ZC3H12C: variants seen among roughly 807,000 people sequenced by gnomAD.
ZC3H12C encodes probable ribonuclease ZC3H12C.
A neutral mutation model predicts 76.3 loss-of-function variants in ZC3H12C; 20 were observed. The ratio of observed to expected loss-of-function variants is 0.26; its 90% CI spans 0.18 to 0.38. The LOEUF (loss-of-function observed/expected upper bound fraction) is 0.38. Ranked by LOEUF, ZC3H12C falls within the 10% of genes least tolerant of loss-of-function variation. ZC3H12C has a pLI of 1.00. For missense variants in ZC3H12C, 874 were observed against 1,086.5 expected (o/e 0.80, Z 2.75); for synonymous variants, 352 against 399.6 (o/e 0.88, Z 1.42).
intron 4 of ZC3H12C, among the ~76,000 whole-genome samples, chr11:110,161,107 A>T (rs1862472034): frequency 6.6e-6 from 1 of 152,008 alleles, no homozygotes; most frequent in Admixed American, 6.6e-5. Flanking sequence ...GCCTCCCAAA[A>T]TGCTGGGATT....
intron 1 of ZC3H12C, among the ~76,000 whole-genome samples, chr11:110,128,733 T>C (rs1056760152): frequency 2.0e-5 from 3 of 152,120 alleles, no homozygotes; most frequent in Non-Finnish European, 4.4e-5. Flanking sequence ...TGTGTGGATA[T>C]ATGTTACGTT....
intron 5 of ZC3H12C, among the ~76,000 whole-genome samples, chr11:110,163,972 C>T (rs182325639): frequency 1.6e-4 from 24 of 152,108 alleles, no homozygotes; most frequent in South Asian, 6.2e-4. Flanking sequence ...TGGTAGCGCA[C>T]GCCTGTGATC....
chr11:110,171,731 CATT>C lies in ZC3H12C; in HGVS notation c.*5997_*5999del, dbSNP rs796193343. ...TAGTTTGCCTGCATTCAGTGGCTAA[CATT>C]ATGAGCATTGTGTAAGATAAACACA... On this transcript the variant is annotated 3_prime_UTR_variant, in exon 6 of 6. Coordinates refer to ENST00000278590, the MANE Select transcript of ZC3H12C (RefSeq NM_033390.2). 2.7e-4 allele frequency: 41 copies of C among 152,274 alleles called. No homozygotes were observed. Among genetic ancestry groups the C allele is most frequent in the African/African-American group, 9.9e-4 (41 of 41,552 alleles). 9.4% of individuals were successfully genotyped at this position (152,274 alleles called of 1,614,324 possible).
intron 1 of ZC3H12C, among the ~76,000 whole-genome samples, chr11:110,093,963 C>G (rs1261565898): frequency 6.6e-6 from 1 of 152,192 alleles, no homozygotes; most frequent in Non-Finnish European, 1.5e-5. Flanking sequence ...AAGCCCCTCA[C>G]TCCCCCCTCG....
At chr11:110,136,532 A>G in intron 1 of ZC3H12C, 131 bp from the exon 2 acceptor site, 1 of 971,012 alleles carries the variant, frequency 1.0e-6, no homozygotes, top group Non-Finnish European at 1.5e-6. Context: ...CAAGGGTGTT[A>G]GGAGGGAGGA....
intron 1 of ZC3H12C, among the ~76,000 whole-genome samples, chr11:110,093,855 C>G (rs1195578681): frequency 6.6e-6 from 1 of 152,076 alleles, no homozygotes; most frequent in African/African-American, 2.4e-5. Flanking sequence ...GCTCGTGGGG[C>G]GAGACATCTC....
chr11:110,096,789 A>G (rs985708281), intron 1 of ZC3H12C, among the ~76,000 whole-genome samples: 1 of 152,232 alleles, frequency 6.6e-6, no homozygotes, highest in Non-Finnish European at 1.5e-5. Flanking sequence ...GTAGTAGGAC[A>G]ATACAGAAAT....
At chr11:110,097,657 C>T (rs975093869) in intron 1 of ZC3H12C, among the ~76,000 whole-genome samples, 2 of 152,164 alleles carry the variant, frequency 1.3e-5, no homozygotes, top group African/African-American at 4.8e-5. Flanking sequence ...ATAACTTACC[C>T]GAGTTCCCAC....
intron 1 of ZC3H12C, among the ~76,000 whole-genome samples, chr11:110,116,698 T>C (rs779441734): frequency 2.4e-4 from 36 of 152,236 alleles, no homozygotes; most frequent in Non-Finnish European, 4.0e-4. Context: ...CCTCACCATT[T>C]ACTATGTGAC....
intron 1 of ZC3H12C, among the ~76,000 whole-genome samples, chr11:110,124,680 C>T (rs557880553): frequency 3.3e-5 from 5 of 152,306 alleles, no homozygotes; most frequent in Admixed American, 3.3e-4. Context: ...AAAGAGACAT[C>T]TGTGCCCTCA....
In ZC3H12C at chr11:110,167,463, A is replaced by C. The variant is rs1433370811; in HGVS notation, c.*1726A>C. On this transcript the variant is annotated 3_prime_UTR_variant, in exon 6 of 6. Coordinates refer to ENST00000278590, the MANE Select transcript of ZC3H12C (RefSeq NM_033390.2). ...TTAGATAAATAGAAATGTCTGTCTTAGTTTTATATAATATATTAAAACACA... is the reference window on the plus strand; with the variant it reads ...TTAGATAAATAGAAATGTCTGTCTTCGTTTTATATAATATATTAAAACACA... 2.6e-5 allele frequency: 4 copies of C among 152,188 alleles called. No homozygotes were observed. The East Asian group carries it at 7.7e-4, about 29-fold the overall frequency. 9.4% of individuals were successfully genotyped at this position (152,188 alleles called of 1,614,324 possible). A position where few individuals can be genotyped will look rare whatever the true frequency, so the allele number is the denominator to read the frequency against.
chr11:110,102,738 A>C (rs1406020859), intron 1 of ZC3H12C, among the ~76,000 whole-genome samples: 1 of 152,212 alleles, frequency 6.6e-6, no homozygotes, highest in African/African-American at 2.4e-5. Flanking sequence ...AAATCAATAC[A>C]GCAAATTTCA....
At chr11:110,119,150 A>C (rs942337408) in intron 1 of ZC3H12C, among the ~76,000 whole-genome samples, 17 of 152,236 alleles carry the variant, frequency 1.1e-4, no homozygotes, top group Non-Finnish European at 1.9e-4. Flanking sequence ...CAGAAATAGC[A>C]AAAGATCAGT....
intron 1 of ZC3H12C, among the ~76,000 whole-genome samples, chr11:110,111,184 C>T (rs1366063208): frequency 6.6e-6 from 1 of 152,156 alleles, no homozygotes; most frequent in Non-Finnish European, 1.5e-5. Flanking sequence ...TGGGCCTGAG[C>T]ATTCCTCACG....
rs941138920 is a variant in ZC3H12C, at chr11:110,149,599, G to C, written c.774-3320G>C. ...GACTTTATTTTTATCAATCTGATGG[G>C]TGTGAAGTAGTGTCTCATTTTGGCT... On this transcript the variant is annotated intron_variant, in intron 2 of 5. Coordinates refer to ENST00000278590, the MANE Select transcript of ZC3H12C (RefSeq NM_033390.2). Among the ~76,000 whole-genome samples the C allele has an allele frequency of 7.9e-5, 12 of 152,278 alleles. No homozygotes were observed. The South Asian group carries it at 1.9e-3, about 24-fold the overall frequency.
intron 3 of ZC3H12C, among the ~76,000 whole-genome samples, chr11:110,153,756 T>G (rs963086474): frequency 1.3e-5 from 2 of 152,216 alleles, no homozygotes; most frequent in Non-Finnish European, 2.9e-5. Context: ...GGCAGTCAGA[T>G]TCTAATAACA....
chr11:110,161,889 G>A (rs1167091605), intron 4 of ZC3H12C, among the ~76,000 whole-genome samples: 1 of 152,166 alleles, frequency 6.6e-6, no homozygotes, highest in African/African-American at 2.4e-5. Context: ...CTAGCACTTT[G>A]GGAGGCCAAG....
Position 110,159,468 on chromosome 11 carries a change from A to C in ZC3H12C, c.1126A>C (p.Met376Leu). 6.2e-7 allele frequency: 1 copy of C among 1,610,556 alleles called. No homozygotes were observed. The highest frequency in any genetic ancestry group is 8.5e-7 in the Non-Finnish European group (1 of 1,178,246). Residue 376 changes from methionine to leucine, a missense_variant, in exon 4 of 6, where the codon ATG becomes CTG. Met to Leu is a conservative substitution (Grantham distance 15, BLOSUM62 2). This residue lies in a region of ZC3H12C where 269 missense variants were observed against 424.9 expected (regional missense o/e 0.63). Transcript: ENST00000278590. ...WKKFIDERLL[M>L]YSFVNDKFMP... ...GAAGTTCATAGATGAACGATTATTA[A>C]TGTATTCATTTGTCAATGACAAGTA...
chr11:110,101,854 G>A (rs1269607936), intron 1 of ZC3H12C, among the ~76,000 whole-genome samples: 1 of 151,960 alleles, frequency 6.6e-6, no homozygotes, highest in Non-Finnish European at 1.5e-5. Context: ...CCAGCCCAAT[G>A]CTATTAATTA....
Sources: allele counts gnomAD v4.1 joint callset (sites outside exome capture counted in the v4.1 genomes callset), GRCh38; gene constraint gnomAD v4.1.1; regional missense constraint gnomAD v4.1.1; transcripts MANE v1.5; gene names NCBI Gene and HGNC (gene_info 2026-07-23, HGNC 2026-07-21).